FBXO25: variants seen among roughly 807,000 people sequenced by gnomAD.
FBXO25 encodes the protein F-box protein 25.
Under a neutral mutation model 51.9 loss-of-function variants are expected in FBXO25, and 45 were observed. The ratio of observed to expected loss-of-function variants is 0.87; its 90% confidence interval spans 0.68 to 1.11. The LOEUF is 1.11. Ranked by LOEUF, FBXO25 falls within the 50% of genes most tolerant of loss-of-function variation. The pLI is 0.00. For synonymous variants in FBXO25, 199 were observed against 151.0 expected, an observed-to-expected ratio of 1.32 and a Z score of -2.33; for missense variants, 507 against 428.5, an observed-to-expected ratio of 1.18 and a Z score of -1.62.
rs1563087573 is a variant in FBXO25, at chr8:450,089, A to G, written c.475+6A>G. 1.3e-6 allele frequency: 2 copies of G among 1,591,240 alleles called. No homozygotes were observed. The highest frequency in any genetic ancestry group is 1.7e-6 in the Non-Finnish European group (2 of 1,163,258). On this transcript the variant is annotated splice_donor_region_variant and intron_variant, in intron 6 of 9. Transcript: ENST00000350302. Reference sequence around the variant, plus strand: ...GGATAAAATCGTTCAAAAGGGTAAGATGATCACTGTATTTTTAATACTCTA... The same window carrying G: ...GGATAAAATCGTTCAAAAGGGTAAGGTGATCACTGTATTTTTAATACTCTA...
In FBXO25 at chr8:450,098, G is replaced by A. The variant is rs1292019581; in HGVS notation, c.475+15G>A. The stretch of plus-strand genomic sequence containing the variant: ...CGTTCAAAAGGGTAAGATGATCACT[G>A]TATTTTTAATACTCTAAATCTTAAT... On this transcript the variant is annotated intron_variant, in intron 6 of 9. Coordinates refer to ENST00000350302, the MANE Select transcript of FBXO25 (RefSeq NM_183420.2). The A allele has an allele frequency of 4.5e-6, 7 of 1,565,450 alleles. No homozygotes were observed. The African/African-American group carries it at 6.8e-5, about 15-fold the overall frequency.
chr8:449,613 C>T lies in FBXO25; in HGVS notation c.382-377C>T, dbSNP rs531238046. ...AGTATGGGCTTAGGTTGTGAAAATA[C>T]TTGTTAGTGCCCAACCATTCATTCT... On this transcript the variant is annotated intron_variant, in intron 5 of 9. Coordinates refer to ENST00000350302, the MANE Select transcript of FBXO25 (RefSeq NM_183420.2). Among the ~76,000 whole-genome samples the T allele has an allele frequency of 2.8e-4, 42 of 152,290 alleles. 1 individual carries two copies. In the South Asian group the frequency reaches 8.5e-3, roughly 31 times the overall value.
intron 2 of FBXO25, among the ~76,000 whole-genome samples, chr8:425,072 C>G (rs535170664): frequency 6.6e-6 from 1 of 152,036 alleles, no homozygotes; most frequent in Non-Finnish European, 1.5e-5. Context: ...AAGGAAACAT[C>G]CTTGTGACCA....
At chr8:451,038 C>T in intron 6 of FBXO25, 2 of 396,006 alleles carry the variant, frequency 5.1e-6, no homozygotes, top group South Asian at 5.4e-5. Context: ...TATATTTGTC[C>T]TTTTGTAGCT....
At chr8:443,693 C>T (rs1313566562) in intron 5 of FBXO25, among the ~76,000 whole-genome samples, 4 of 151,482 alleles carry the variant, frequency 2.6e-5, no homozygotes, top group East Asian at 3.9e-4. Flanking sequence ...TTCCCTACCT[C>T]GGGGCAGCGG....
At chr8:466,917 G>A (rs923391202) in intron 9 of FBXO25, among the ~76,000 whole-genome samples, 1 of 152,168 alleles carries the variant, frequency 6.6e-6, no homozygotes, top group African/African-American at 2.4e-5. Context: ...GTTAAAAACT[G>A]TAGACTTGTT....
intron 2 of FBXO25, chr8:420,259 G>C (rs1797068246): frequency 6.6e-6 from 1 of 152,216 alleles, no homozygotes; most frequent in African/African-American, 2.4e-5. Flanking sequence ...CAGTAGCTAA[G>C]ATGAAAGAAC....
At chr8:409,499 A>G (rs765732836) in intron 1 of FBXO25, among the ~76,000 whole-genome samples, 17 of 152,222 alleles carry the variant, frequency 1.1e-4, no homozygotes, top group Non-Finnish European at 1.5e-4. Context: ...GAGTTTAGGT[A>G]GTTGTAAAAG....
At chr8:448,259 A>G (rs1327765609) in intron 5 of FBXO25, among the ~76,000 whole-genome samples, 1 of 152,132 alleles carries the variant, frequency 6.6e-6, no homozygotes, top group Non-Finnish European at 1.5e-5. Flanking sequence ...TGAGAGGGCA[A>G]ATTTTATGCT....
intron 8 of FBXO25, among the ~76,000 whole-genome samples, chr8:459,179 G>C (rs1397264197): frequency 6.6e-6 from 1 of 152,224 alleles, no homozygotes; most frequent in East Asian, 1.9e-4. Context: ...CAAGGCACCT[G>C]CTCTGCACAG....
At chr8:443,372 T>C (rs1241339754) in intron 5 of FBXO25, among the ~76,000 whole-genome samples, 1 of 151,160 alleles carries the variant, frequency 6.6e-6, no homozygotes, top group Non-Finnish European at 1.5e-5. Flanking sequence ...ACCAACAAGA[T>C]AATTTGTAGA....
chr8:410,838 AG>A (rs1796445621), intron 1 of FBXO25, among the ~76,000 whole-genome samples: 1 of 152,198 alleles, frequency 6.6e-6, no homozygotes, highest in Non-Finnish European at 1.5e-5. Flanking sequence ...TCTGACTATA[AG>A]TCAGTTTAGC....
intron 7 of FBXO25, among the ~76,000 whole-genome samples, chr8:452,722 G>T (rs918368590): frequency 1.3e-5 from 2 of 152,212 alleles, no homozygotes; most frequent in African/African-American, 4.8e-5. Context: ...GGTAGGATTA[G>T]TGGCTCTGCA....
In FBXO25 at chr8:468,785, T is replaced by C. The variant is rs1168538911; in HGVS notation, c.1058T>C (p.Ile353Thr). 6.2e-7 allele frequency: 1 copy of C among 1,613,876 alleles called. No individual in the cohort carries two copies. The highest frequency in any genetic ancestry group is 1.1e-5 in the South Asian group (1 of 91,070). ...ACGCCTGTGTCTCCGCAGCACTTCA[T>C]CGACCTCTTCAAGTTTTAAGGGCTG... The part of the protein sequence containing the change: ...CFTPVSPQHF[I>T]DLFKF Residue 353 changes from isoleucine to threonine, a missense_variant, in exon 10 of 10, where the codon ATC (isoleucine) becomes ACC (threonine). By Grantham distance (89) the Ile-to-Thr change is moderately conservative. Transcript: ENST00000350302.
At chr8:468,215 G>T in intron 9 of FBXO25, 5 of 1,009,660 alleles carry the variant, frequency 5.0e-6, no homozygotes, top group Non-Finnish European at 5.9e-6. Context: ...GGAGCAAGCA[G>T]GAGCCTTGGG....
At chr8:432,120 T>C (rs550031805) in intron 3 of FBXO25, among the ~76,000 whole-genome samples, 48 of 152,216 alleles carry the variant, frequency 3.2e-4, no homozygotes, top group Non-Finnish European at 1.9e-4. Context: ...CCATCACTGC[T>C]CTTGCACTTT....
At chr8:458,295 C>A in intron 7 of FBXO25, 74 bp from the exon 8 acceptor site, 1 of 1,504,220 alleles carries the variant, frequency 6.6e-7, no homozygotes, top group South Asian at 1.2e-5. Context: ...TTCATTCCAG[C>A]TTGACTCTTC....
intron 2 of FBXO25, among the ~76,000 whole-genome samples, chr8:418,330 G>GTTTTTTTTT (rs1796934500): frequency 9.6e-6 from 1 of 104,624 alleles, no homozygotes; most frequent in Non-Finnish European, 2.1e-5. Context: ...TCGTTTGTTT[G>GTTTTTTTTT]TTCTTTTTTT....
intron 1 of FBXO25, among the ~76,000 whole-genome samples, chr8:412,105 A>G (rs1361165188): frequency 6.6e-6 from 1 of 152,252 alleles, no homozygotes; most frequent in Non-Finnish European, 1.5e-5. Flanking sequence ...TGTGAGCGTC[A>G]TGAAGTTAAT....
Sources: allele counts gnomAD v4.1 joint callset (sites outside exome capture counted in the v4.1 genomes callset), GRCh38; gene constraint gnomAD v4.1.1; transcripts MANE v1.5; gene names NCBI Gene and HGNC (gene_info 2026-07-23, HGNC 2026-07-21).